The following BMP6 variants were observed in gnomAD, a reference collection of about 807,000 sequenced individuals.
The protein encoded by BMP6 is bone morphogenetic protein 6.
BMP6 carries 17 observed loss-of-function variants against 54.1 expected under a neutral mutation model. The observed-to-expected ratio is 0.31, with a 90% CI of 0.22 to 0.47. The LOEUF (loss-of-function observed/expected upper bound fraction) is 0.47. BMP6 is among the 20% of genes least tolerant of loss of function. The probability of loss-of-function intolerance (pLI) is 1.00; values close to 1 mark genes in which losing one functional copy is unlikely to be tolerated. For missense variants in BMP6, 720 were observed against 690.4 expected (o/e 1.04, Z -0.48); for synonymous variants, 328 against 291.2 (o/e 1.13, Z -1.28).
chr6:7,731,048 G>A lies in BMP6; in HGVS notation c.664+3429G>A, dbSNP rs556684539. Among the ~76,000 whole-genome samples the A allele has an allele frequency of 9.9e-5, 15 of 152,180 alleles. No homozygotes were observed. In the South Asian group the frequency reaches 1.5e-3, roughly 15 times the overall value. On this transcript the variant is annotated intron_variant, in intron 1 of 6. Transcript: ENST00000283147. ...ACAGGATAAATTTCTCTCTCATAGC[G>A]CAAGTGCTGGTCATCCAACCAGCTC...
chr6:7,858,545 T>C (rs1404891887), intron 2 of BMP6, among the ~76,000 whole-genome samples: 1 of 152,086 alleles, frequency 6.6e-6, no homozygotes, highest in Non-Finnish European at 1.5e-5. Flanking sequence ...GCTTCATGAC[T>C]CTACTTTTTA....
chr6:7,778,829 C>G (rs901004277), intron 1 of BMP6, among the ~76,000 whole-genome samples: 2 of 152,160 alleles, frequency 1.3e-5, no homozygotes, highest in Admixed American at 6.5e-5. Flanking sequence ...TTCCCATTCC[C>G]GGAGGGCACT....
chr6:7,800,223 C>T (rs1026831956), intron 1 of BMP6, among the ~76,000 whole-genome samples: 2 of 151,788 alleles, frequency 1.3e-5, no homozygotes. Flanking sequence ...GATGCCTGTA[C>T]TATAAAGTGG....
intron 1 of BMP6, among the ~76,000 whole-genome samples, chr6:7,837,928 T>C (rs1229613212): frequency 6.6e-6 from 1 of 152,058 alleles, no homozygotes; most frequent in Non-Finnish European, 1.5e-5. Context: ...ATTTAAAATG[T>C]CCCCCAAAAG....
At chr6:7,746,506 T>C (rs1306910940) in intron 1 of BMP6, among the ~76,000 whole-genome samples, 1 of 152,166 alleles carries the variant, frequency 6.6e-6, no homozygotes, top group Non-Finnish European at 1.5e-5. Context: ...TTTAAAATAG[T>C]TTACATTTTT....
rs373581690 is a variant in BMP6 at position 7,824,395 on chromosome 6, A to T, written c.665-20745A>T. Among the ~76,000 whole-genome samples, 16 of 152,092 alleles carry T rather than the reference A, an allele frequency of 1.1e-4. No homozygotes were observed. The East Asian group carries it at 2.9e-3, about 28-fold the overall frequency. On this transcript the variant is annotated intron_variant, in intron 1 of 6. Transcript: ENST00000283147. ...GCCATTGTGAGTCCTCTAAGAAGGG[A>T]CTCTGTCTCTGTCAACCCACCTTTG...
At chr6:7,785,090 C>G (rs1483229666) in intron 1 of BMP6, among the ~76,000 whole-genome samples, 1 of 152,180 alleles carries the variant, frequency 6.6e-6, no homozygotes, top group Non-Finnish European at 1.5e-5. Context: ...TAGCTAGACG[C>G]AGGGGGCCCC....
intron 1 of BMP6, among the ~76,000 whole-genome samples, chr6:7,831,849 T>A (rs1221480655): frequency 1.3e-5 from 2 of 152,172 alleles, no homozygotes; most frequent in Admixed American, 6.5e-5. Flanking sequence ...TGAGTTCTGT[T>A]CTGCCTCCTT....
At chr6:7,735,778 C>T (rs149863587) in intron 1 of BMP6, among the ~76,000 whole-genome samples, 26 of 152,242 alleles carry the variant, frequency 1.7e-4, no homozygotes, top group African/African-American at 2.4e-4. Context: ...AGTTACATCC[C>T]GGTTCACTCG....
At chr6:7,802,871 G>A (rs529546888) in intron 1 of BMP6, among the ~76,000 whole-genome samples, 8 of 152,310 alleles carry the variant, frequency 5.3e-5, no homozygotes, top group South Asian at 2.1e-4. Flanking sequence ...CTGAATATGC[G>A]GTAGGGAAGG....
intron 1 of BMP6, among the ~76,000 whole-genome samples, chr6:7,824,358 G>A (rs898410456): frequency 6.6e-6 from 1 of 152,162 alleles, no homozygotes; most frequent in African/African-American, 2.4e-5. Context: ...GGCTTGGCAC[G>A]TTCTCCTTGA....
Position 7,726,406 on chromosome 6 carries a change from C to T in BMP6, c.-550C>T, listed in dbSNP as rs899575415. Among the ~76,000 whole-genome samples, 4 of 152,206 alleles carry T rather than the reference C, an allele frequency of 2.6e-5. No homozygotes were observed. The highest frequency in any genetic ancestry group is 6.5e-5 in the Admixed American group (1 of 15,290). Reference sequence around the variant, plus strand: ...CGGAATAGACTGGCATTTCGGGACGCCTTGTCGCCGCAGCCTGGGCCCTGC... The same window carrying T: ...CGGAATAGACTGGCATTTCGGGACGTCTTGTCGCCGCAGCCTGGGCCCTGC... On this transcript the variant is annotated 5_prime_UTR_variant, in exon 1 of 7. Coordinates refer to ENST00000283147, the MANE Select transcript of BMP6 (RefSeq NM_001718.6).
chr6:7,739,019 G>C (rs1762003283), intron 1 of BMP6, among the ~76,000 whole-genome samples: 1 of 152,180 alleles, frequency 6.6e-6, no homozygotes, highest in Non-Finnish European at 1.5e-5. Flanking sequence ...GAACCATGGG[G>C]TCAAATCTTC....
intron 4 of BMP6, among the ~76,000 whole-genome samples, chr6:7,876,524 C>A (rs552254840): frequency 6.6e-6 from 1 of 152,252 alleles, no homozygotes; most frequent in Non-Finnish European, 1.5e-5. Context: ...AAGAGACAGT[C>A]ATGTATTTTG....
intron 4 of BMP6, among the ~76,000 whole-genome samples, chr6:7,878,512 A>T (rs939326237): frequency 6.6e-6 from 1 of 152,176 alleles, no homozygotes; most frequent in Non-Finnish European, 1.5e-5. Flanking sequence ...CCTGGCAGTG[A>T]GGTGGGAGTA....
At chr6:7,735,126 G>C (rs1029852332) in intron 1 of BMP6, among the ~76,000 whole-genome samples, 3 of 152,244 alleles carry the variant, frequency 2.0e-5, no homozygotes, top group Admixed American at 2.0e-4. Flanking sequence ...CGGAGGCAGA[G>C]CCCCGGAGCC....
At chr6:7,753,200 T>G (rs1051384456) in intron 1 of BMP6, among the ~76,000 whole-genome samples, 1 of 152,238 alleles carries the variant, frequency 6.6e-6, no homozygotes, top group Non-Finnish European at 1.5e-5. Flanking sequence ...AAATGGTCAC[T>G]GGTAAGCCCT....
At chr6:7,791,901 A>C (rs930735117) in intron 1 of BMP6, among the ~76,000 whole-genome samples, 2 of 152,098 alleles carry the variant, frequency 1.3e-5, no homozygotes, top group Non-Finnish European at 2.9e-5. Context: ...TTTGCCTCCT[A>C]CTTAAGAATC....
At chr6:7,862,187 C>T (rs1759345344) in intron 3 of BMP6, 114 bp from the exon 4 acceptor site, 2 of 1,253,180 alleles carry the variant, frequency 1.6e-6, no homozygotes, top group East Asian at 2.3e-5. Flanking sequence ...TTCTTCTTCA[C>T]ACTCATTCTT....
Sources: gnomAD v4.1 joint callset for allele counts (sites outside exome capture counted in the v4.1 genomes callset) on GRCh38, gnomAD v4.1.1 for gene constraint, MANE v1.5 for transcripts, NCBI Gene and HGNC (gene_info 2026-07-23, HGNC 2026-07-21) for gene names.